SLC26A11: variants seen among roughly 807,000 people sequenced by gnomAD.
The protein encoded by SLC26A11 is solute carrier family 26 member 11.
SLC26A11 carries 58 observed loss-of-function variants against 62.2 expected under a neutral mutation model. The ratio of observed to expected loss-of-function variants is 0.93; its 90% CI spans 0.76 to 1.16. The LOEUF (loss-of-function observed/expected upper bound fraction) is 1.16, where lower values mean the gene tolerates loss of function less well. SLC26A11 is among the 50% of genes most tolerant of loss of function. The probability of loss-of-function intolerance (pLI) is 0.00; values close to 1 mark genes in which losing one functional copy is unlikely to be tolerated. For synonymous variants in SLC26A11, 411 were observed against 368.9 expected, an observed-to-expected ratio of 1.11 and a Z score of -1.31; for missense variants, 790 against 794.3, an observed-to-expected ratio of 0.99 and a Z score of 0.06.
rs773358560 is a variant in SLC26A11 at position 80,251,311 on chromosome 17, AGTCT to A, written c.1657-9_1657-6del. On this transcript the variant is annotated splice_polypyrimidine_tract_variant and intron_variant, in intron 16 of 17. Transcript: ENST00000361193. ...AGAGGAACATCCCTGCCCTGGCTAAAGTCTGTCTGTCTCTCAGGTCCCCGTTCTC... is the reference window on the plus strand; with the variant it reads ...AGAGGAACATCCCTGCCCTGGCTAAAGTCTGTCTCTCAGGTCCCCGTTCTC... 99 of 1,613,876 alleles carry A rather than the reference AGTCT, an allele frequency of 6.1e-5. No individual in the cohort carries two copies. Among genetic ancestry groups the A allele is most frequent in the Non-Finnish European group, 8.4e-5 (99 of 1,179,926 alleles).
intron 6 of SLC26A11, among the ~76,000 whole-genome samples, chr17:80,226,425 A>T (rs1223902675): frequency 1.3e-5 from 2 of 152,078 alleles, no homozygotes; most frequent in African/African-American, 4.8e-5. Context: ...TGATGGCCGG[A>T]CACTGTGGCT....
chr17:80,221,910 T>C, intron 3 of SLC26A11, 116 bp downstream of exon 3: 1 of 1,130,838 alleles, frequency 8.8e-7, no homozygotes, highest in Non-Finnish European at 1.2e-6. Flanking sequence ...CCAAGGAACC[T>C]TTGGTTTACA....
chr17:80,231,416 A>G (rs976647132), intron 7 of SLC26A11, among the ~76,000 whole-genome samples: 2 of 152,038 alleles, frequency 1.3e-5, no homozygotes, highest in Non-Finnish European at 2.9e-5. Flanking sequence ...CACCCGCCTC[A>G]GCCTCCCAAA....
chr17:80,237,685 GT>G, intron 9 of SLC26A11, 91 bp downstream of exon 9: 3 of 1,248,824 alleles, frequency 2.4e-6, no homozygotes, highest in Non-Finnish European at 3.4e-6. Context: ...TCCGTTACTA[GT>G]TTTAGAAATT....
intron 8 of SLC26A11, 126 bp downstream of exon 8, chr17:80,237,229 G>A (rs2042720796): frequency 1.8e-6 from 2 of 1,139,088 alleles, no homozygotes; most frequent in South Asian, 3.1e-5. Context: ...GAGTCCTCAG[G>A]AACGGACATC....
At chr17:80,239,015 C>A (rs549040619) in intron 9 of SLC26A11, among the ~76,000 whole-genome samples, 1 of 151,418 alleles carries the variant, frequency 6.6e-6, no homozygotes, top group South Asian at 2.1e-4. Context: ...TTAGTAGAGA[C>A]AGGGTCTCAC....
rs1011643614 is a variant in SLC26A11, at chr17:80,223,578, G to A, written c.513+241G>A. On this transcript the variant is annotated intron_variant, in intron 5 of 17. Transcript: ENST00000361193. This position sits in a 1 kb window ranked among gnomAD's most constrained non-coding sequence, Gnocchi z 4.6. ...TTTCACAGCGGGTAACTTGGGGGCCGGTAATTCCATCCCCCTGCTCTTGCC... is the reference window on the plus strand; with the variant it reads ...TTTCACAGCGGGTAACTTGGGGGCCAGTAATTCCATCCCCCTGCTCTTGCC... 2.0e-5 allele frequency among the ~76,000 whole-genome samples: 3 copies of A among 152,314 alleles called. No homozygotes were observed. Among genetic ancestry groups the A allele is most frequent in the Admixed American group, 6.5e-5 (1 of 15,304 alleles).
chr17:80,249,506 C>A (rs1390263333), intron 16 of SLC26A11, among the ~76,000 whole-genome samples: 1 of 152,240 alleles, frequency 6.6e-6, no homozygotes, highest in African/African-American at 2.4e-5. Flanking sequence ...TCCGAGGGGT[C>A]ACGTTATGGC....
intron 6 of SLC26A11, among the ~76,000 whole-genome samples, 195 bp downstream of exon 6, chr17:80,226,111 C>G (rs7216510): frequency 0.6 from 91,323 of 151,410 alleles, 28,360 homozygotes; most frequent in East Asian, 0.97. Context: ...ATCAGAGCCA[C>G]AGTTTTAACA....
In SLC26A11 at chr17:80,245,305, CGTT is replaced by C. The variant is rs765475994; in HGVS notation, c.1097+53_1097+55del. 24 of 1,581,482 alleles carry C rather than the reference CGTT, an allele frequency of 1.5e-5. 1 individual carries two copies. Among genetic ancestry groups the C allele is most frequent in the East Asian group, 9.0e-5 (4 of 44,646 alleles). On this transcript the variant is annotated intron_variant, in intron 11 of 17. Coordinates refer to ENST00000361193, the MANE Select transcript of SLC26A11 (RefSeq NM_001166347.2). ...TGTTTGCCCACGTTGGACGCCCTAA[CGTT>C]GTTACGCTGACAAGGAGTCTGCCTG...
chr17:80,252,256 A>G lies in SLC26A11; in HGVS notation c.1730-369A>G, dbSNP rs1315827461. 2.0e-5 allele frequency among the ~76,000 whole-genome samples: 3 copies of G among 152,156 alleles called. No homozygotes were observed. Among genetic ancestry groups the G allele is most frequent in the Admixed American group, 6.6e-5 (1 of 15,266 alleles). On this transcript the variant is annotated intron_variant, in intron 17 of 17. Coordinates refer to ENST00000361193, the MANE Select transcript of SLC26A11 (RefSeq NM_001166347.2). The surrounding 1 kb of genome is among the most constrained non-coding windows in gnomAD (Gnocchi z 5.2). ...CAGCTGAAGCTGGGTCAGCTCCGTG[A>G]GAGTGAGGGGTGGCGGATGTTGTAC...
chr17:80,248,818 C>T, intron 15 of SLC26A11, 144 bp downstream of exon 15: 1 of 819,668 alleles, frequency 1.2e-6, no homozygotes, highest in East Asian at 2.7e-5. Flanking sequence ...CTGGACCGTC[C>T]TCTGTGGGCC....
rs986227818 is a variant in SLC26A11, at chr17:80,221,624, G to A, written c.64G>A (p.Ala22Thr). The change falls in exon 3 of 18, where the codon GCC becomes ACC. Residue 22 changes from alanine (A) to threonine (T), a missense_variant. Ala to Thr is a moderately conservative substitution (Grantham distance 58). Transcript: ENST00000361193. ...RSSGPGMAPS[A>T]CCCSPAALQR... ...CTCTGGCCCCGGGATGGCCCCGAGC[G>A]CCTGCTGCTGCTCCCCTGCGGCCCT... 10 of 1,610,212 alleles carry A rather than the reference G, an allele frequency of 6.2e-6. No individual in the cohort carries two copies. The highest frequency in any genetic ancestry group is 4.0e-5 in the African/African-American group (3 of 74,914).
chr17:80,221,541 C>A lies in SLC26A11; in HGVS notation c.-13-7C>A, dbSNP rs760446324. The A allele has an allele frequency of 3.4e-5, 53 of 1,539,580 alleles. No individual in the cohort carries two copies. Among genetic ancestry groups the A allele is most frequent in the Non-Finnish European group, 4.6e-5 (53 of 1,144,626 alleles). ...GACTGCTGGTCTGTGTCACCTGCAC[C>A]CCCCAGCCCCACCGTAGAGATGCCT... On this transcript the variant is annotated splice_polypyrimidine_tract_variant and splice_region_variant and intron_variant, in intron 2 of 17. Transcript: ENST00000361193.
In SLC26A11 at chr17:80,221,680, G is replaced by T; in HGVS notation, c.120G>T (p.Leu40=). Residue 40 remains leucine, a synonymous_variant, in exon 3 of 18, where the codon CTG becomes CTT. Transcript: ENST00000361193. ...LQRRLPILAW[L]PSYSLQWLKM... is the part of the protein sequence containing the mutation. ...GGAGGCTGCCCATCCTGGCGTGGCT[G>T]CCCAGCTACTCCCTGCAGTGGCTGA... 1 of 1,613,416 alleles carries T rather than the reference G, an allele frequency of 6.2e-7. No homozygotes were observed.
At chr17:80,238,063 A>C (rs2042747248) in intron 9 of SLC26A11, among the ~76,000 whole-genome samples, 1 of 152,222 alleles carries the variant, frequency 6.6e-6, no homozygotes, top group Admixed American at 6.5e-5. Context: ...ATGAGTTTTA[A>C]GTATTATCTT....
chr17:80,231,546 G>A (rs2042568083), intron 7 of SLC26A11, among the ~76,000 whole-genome samples: 3 of 152,078 alleles, frequency 2.0e-5, no homozygotes, highest in Non-Finnish European at 4.4e-5. Context: ...TTTAAATGCT[G>A]TAAATTTCAC....
In SLC26A11 at chr17:80,237,012, G is replaced by C. The variant is rs2042712420; in HGVS notation, c.821G>C (p.Gly274Ala). 6.2e-7 allele frequency: 1 copy of C among 1,613,984 alleles called. No individual in the cohort carries two copies. Residue 274 changes from glycine (G) to alanine (A), a missense_variant, in exon 8 of 18, where the codon GGG (glycine) becomes GCG (alanine). Physicochemically the swap from Gly to Ala is moderately conservative, Grantham distance 60. Transcript: ENST00000361193. ...GGATACCAGCCTTTCATCCTAACAG[G>C]GGAGACAGCTGAGGGGCTCCCTCCA... ...VTGYQPFILT[G>A]ETAEGLPPVR...
chr17:80,221,492 C>T lies in SLC26A11; in HGVS notation c.-13-56C>T, dbSNP rs377014368. ...ACCCGCCGACCCTGACCAGTGTTGC[C>T]GGGTTCTTCAAAGGCCACGCTCTGA... On this transcript the variant is annotated intron_variant, in intron 2 of 17. Coordinates refer to ENST00000361193, the MANE Select transcript of SLC26A11 (RefSeq NM_001166347.2). 7.2e-5 allele frequency: 94 copies of T among 1,307,866 alleles called. No individual in the cohort carries two copies. In the East Asian group the frequency reaches 2.2e-3, roughly 31 times the overall value. 81.0% of individuals were successfully genotyped at this position (1,307,866 alleles called of 1,614,324 possible).
Sources: allele counts gnomAD v4.1 joint callset (sites outside exome capture counted in the v4.1 genomes callset), GRCh38; gene constraint gnomAD v4.1.1; non-coding constraint Gnocchi (gnomAD v3.1); transcripts MANE v1.5; gene names NCBI Gene and HGNC (gene_info 2026-07-23, HGNC 2026-07-21).